Variants in MAP3K5 observed in about 807,000 individuals in gnomAD.
MAP3K5 encodes ASK-1.
Under a neutral mutation model 158.7 loss-of-function variants are expected in MAP3K5, and 56 were observed. The ratio of observed to expected loss-of-function variants is 0.35; its 90% CI spans 0.28 to 0.44. The LOEUF is 0.44. MAP3K5 is among the 20% of genes least tolerant of loss of function. The pLI is 1.00. For synonymous variants in MAP3K5, 579 were observed against 601.7 expected, an observed-to-expected ratio of 0.96 and a Z score of 0.55; for missense variants, 1,294 against 1,674.8, an observed-to-expected ratio of 0.77 and a Z score of 3.97.
At chr6:136,668,630 C>T (rs1476503304) in intron 8 of MAP3K5, among the ~76,000 whole-genome samples, 1 of 152,030 alleles carries the variant, frequency 6.6e-6, no homozygotes, top group Admixed American at 6.6e-5. Context: ...AAAGCCAAAA[C>T]CAAGAAAATC....
chr6:136,613,525 T>C lies in MAP3K5; in HGVS notation c.2279-269A>G, dbSNP rs1412029467. Among the ~76,000 whole-genome samples the C allele has an allele frequency of 1.3e-5, 2 of 152,218 alleles. No individual in the cohort carries two copies. The highest frequency in any genetic ancestry group is 4.1e-4 in the South Asian group (2 of 4,828). On this transcript the variant is annotated intron_variant, in intron 16 of 29. Coordinates refer to ENST00000359015, the MANE Select transcript of MAP3K5 (RefSeq NM_005923.4). This position sits in a 1 kb window ranked among gnomAD's most constrained non-coding sequence, Gnocchi z 4.0. ...GATACTGAAATGGTTCCCATATTTA[T>C]GTATTGTCTCTGTGAAATTACATAA...
chr6:136,781,227 C>A (rs9376230), intron 1 of MAP3K5, among the ~76,000 whole-genome samples: 94,312 of 151,946 alleles, frequency 0.62, 29,383 homozygotes, highest in Admixed American at 0.68. Context: ...AGGAAACAGC[C>A]CAAGACTTGC....
chr6:136,755,885 G>T (rs1450124144), intron 1 of MAP3K5, among the ~76,000 whole-genome samples: 1 of 151,994 alleles, frequency 6.6e-6, no homozygotes, highest in Non-Finnish European at 1.5e-5. Flanking sequence ...TCTAGTCAGG[G>T]TGACTAGAGA....
At chr6:136,662,766 A>G (rs941450397) in intron 8 of MAP3K5, among the ~76,000 whole-genome samples, 17 of 152,320 alleles carry the variant, frequency 1.1e-4, no homozygotes, top group African/African-American at 4.1e-4. Context: ...CGTGATGTTC[A>G]GTTGTACCTT....
intron 8 of MAP3K5, among the ~76,000 whole-genome samples, chr6:136,668,321 C>T (rs764878620): frequency 1.3e-3 from 205 of 152,140 alleles, no homozygotes; most frequent in Non-Finnish European, 2.3e-3. Context: ...GAATTCAAGG[C>T]TGCAGTGAGC....
intron 14 of MAP3K5, 69 bp downstream of exon 14, chr6:136,637,256 C>A: frequency 7.4e-7 from 1 of 1,356,054 alleles, no homozygotes; most frequent in East Asian, 2.3e-5. Context: ...CTGCCTCCTG[C>A]CTCAGTAAGG....
chr6:136,628,729 A>G (rs898909319), intron 14 of MAP3K5, among the ~76,000 whole-genome samples: 1 of 152,356 alleles, frequency 6.6e-6, no homozygotes. Context: ...CAAAATGGTG[A>G]TAGTAAAATG....
At chr6:136,717,892 T>C (rs1484786716) in intron 2 of MAP3K5, among the ~76,000 whole-genome samples, 4 of 151,856 alleles carry the variant, frequency 2.6e-5, no homozygotes, top group Non-Finnish European at 4.4e-5. Context: ...TTTAAGTTAA[T>C]AGAAAGGAGA....
At chr6:136,788,318 A>C (rs1446710619) in intron 1 of MAP3K5, among the ~76,000 whole-genome samples, 1 of 152,236 alleles carries the variant, frequency 6.6e-6, no homozygotes, top group African/African-American at 2.4e-5. Flanking sequence ...CTCAAACCAT[A>C]AGAGTCCTAG....
At chr6:136,782,647 AG>A (rs1784666323) in intron 1 of MAP3K5, among the ~76,000 whole-genome samples, 1 of 152,230 alleles carries the variant, frequency 6.6e-6, no homozygotes, top group Non-Finnish European at 1.5e-5. Flanking sequence ...GTCTGCTTAT[AG>A]TGGAATGTTT....
chr6:136,694,403 A>G, intron 6 of MAP3K5, 93 bp from the exon 7 acceptor site: 1 of 1,019,548 alleles, frequency 9.8e-7, no homozygotes, highest in Non-Finnish European at 1.4e-6. Context: ...GTTGATTCAT[A>G]TTAGAGAAAT....
chr6:136,791,568 G>A, intron 1 of MAP3K5, 142 bp downstream of exon 1: 1 of 838,656 alleles, frequency 1.2e-6, no homozygotes, highest in Non-Finnish European at 2.0e-6. Context: ...AGCGACAGGA[G>A]CAGTCACGCA....
chr6:136,592,082 C>CACCT, intron 23 of MAP3K5, 91 bp downstream of exon 23: 1 of 1,233,986 alleles, frequency 8.1e-7, no homozygotes, highest in South Asian at 1.7e-5. Context: ...GTTCCTCTTG[C>CACCT]CTTTCACATC....
At chr6:136,560,398 G>A (rs980466245) in intron 28 of MAP3K5, among the ~76,000 whole-genome samples, 6 of 152,002 alleles carry the variant, frequency 3.9e-5, no homozygotes, top group South Asian at 4.1e-4. Flanking sequence ...GGAATCTCTC[G>A]AGCCTGGCAG....
chr6:136,660,294 G>A (rs1005728784), intron 8 of MAP3K5, among the ~76,000 whole-genome samples: 9 of 152,104 alleles, frequency 5.9e-5, no homozygotes, highest in African/African-American at 2.2e-4. Context: ...GCTCACACCT[G>A]TAACCCCAGC....
chr6:136,659,740 T>A (rs908779091), intron 8 of MAP3K5, among the ~76,000 whole-genome samples: 1 of 146,676 alleles, frequency 6.8e-6, no homozygotes, highest in Admixed American at 6.6e-5. Flanking sequence ...GGACTGATAG[T>A]TTAACGTGTA....
chr6:136,566,630 C>T (rs899691438), intron 26 of MAP3K5, among the ~76,000 whole-genome samples: 1 of 152,160 alleles, frequency 6.6e-6, no homozygotes, highest in Non-Finnish European at 1.5e-5. Context: ...TTTCAGAGGA[C>T]AAAATTGGGA....
intron 1 of MAP3K5, among the ~76,000 whole-genome samples, chr6:136,754,404 C>G (rs552340930): frequency 2.2e-4 from 34 of 152,128 alleles, no homozygotes; most frequent in African/African-American, 7.5e-4. Flanking sequence ...ATGGTGAAAC[C>G]CTGTTTCTAC....
chr6:136,767,648 TAGG>T (rs1784020720), intron 1 of MAP3K5, among the ~76,000 whole-genome samples: 1 of 151,960 alleles, frequency 6.6e-6, no homozygotes, highest in South Asian at 2.1e-4. Flanking sequence ...CAGTTAAAAA[TAGG>T]AGGAAGATCT....
Sources: gnomAD v4.1 joint callset for allele counts (sites outside exome capture counted in the v4.1 genomes callset) on GRCh38, gnomAD v4.1.1 for gene constraint, Gnocchi (gnomAD v3.1) non-coding constraint, MANE v1.5 for transcripts, NCBI Gene and HGNC (gene_info 2026-07-23, HGNC 2026-07-21) for gene names.